The following ABCA10 variants were observed in gnomAD, a reference collection of about 807,000 sequenced individuals.
ABCA10 encodes ATP binding cassette subfamily A member 10, also known as ATP-binding cassette sub-family A member 10.
A neutral mutation model predicts 187.5 loss-of-function variants in ABCA10; 169 were observed. That is an observed-to-expected ratio of 0.90 (90% CI 0.80 to 1.02). ABCA10 has a LOEUF of 1.02. Among genes scored for constraint, ABCA10 ranks in the 50% least tolerant of loss-of-function variants. The pLI is 0.00. For missense variants in ABCA10, 1,727 were observed against 1,812.4 expected (o/e 0.95, Z 0.86); for synonymous variants, 574 against 601.8 (o/e 0.95, Z 0.68).
In ABCA10 at chr17:69,190,550, T is replaced by C; in HGVS notation, c.2012-73A>G. ...GTATATTAAAATACTAATTTCTAAA[T>C]ATTACTCAAAATAGATGTCTACAAA... On this transcript the variant is annotated intron_variant, in intron 17 of 38. Coordinates refer to ENST00000690296, the MANE Select transcript of ABCA10 (RefSeq NM_001377321.1). 3 of 1,343,676 alleles carry C rather than the reference T, an allele frequency of 2.2e-6. No individual in the cohort carries two copies. In the South Asian group the frequency reaches 4.5e-5, roughly 20 times the overall value. 83.2% of individuals were successfully genotyped at this position (1,343,676 alleles called of 1,614,324 possible).
intron 3 of ABCA10, among the ~76,000 whole-genome samples, chr17:69,224,564 AG>A (rs1438837040): frequency 2.0e-5 from 3 of 152,124 alleles, no homozygotes; most frequent in Non-Finnish European, 4.4e-5. Context: ...GGTCTCACAT[AG>A]TAAGTAGGAC....
chr17:69,198,788 C>T (rs2074523510), intron 10 of ABCA10, among the ~76,000 whole-genome samples: 2 of 152,146 alleles, frequency 1.3e-5, no homozygotes, highest in Admixed American at 6.5e-5. Flanking sequence ...GGTAAAATAT[C>T]GTAAATATTT....
intron 1 of ABCA10, chr17:69,244,236 TAAAAC>T (rs2074926181): frequency 6.6e-6 from 1 of 152,094 alleles, no homozygotes; most frequent in Non-Finnish European, 1.5e-5. Flanking sequence ...GAATGTAAAT[TAAAAC>T]AAAGTAATTG....
At chr17:69,176,621 C>T (rs1209178053) in intron 22 of ABCA10, among the ~76,000 whole-genome samples, 1 of 151,982 alleles carries the variant, frequency 6.6e-6, no homozygotes, top group Non-Finnish European at 1.5e-5. Context: ...CCCTGCTTCC[C>T]AGTATCACCC....
chr17:69,236,105 G>T lies in ABCA10; in HGVS notation c.-592-7245C>A, dbSNP rs530033988. On this transcript the variant is annotated intron_variant, in intron 1 of 39. Coordinates refer to the ABCA10 transcript ENST00000269081. Reference sequence around the variant, plus strand: ...CATCTTACAATACCTATATATATATGGCCAAGTCAAATAGTAGTAGGATTT... The same window carrying T: ...CATCTTACAATACCTATATATATATTGCCAAGTCAAATAGTAGTAGGATTT... Among the ~76,000 whole-genome samples, 119 of 151,998 alleles carry T rather than the reference G, an allele frequency of 7.8e-4. 1 individual carries two copies. Among genetic ancestry groups the T allele is most frequent in the Non-Finnish European group, 1.3e-3 (89 of 68,002 alleles).
At chr17:69,157,219 G>C (rs1237045811) in intron 27 of ABCA10, among the ~76,000 whole-genome samples, 1 of 152,192 alleles carries the variant, frequency 6.6e-6, no homozygotes, top group South Asian at 2.1e-4. Context: ...AAATCTAAAT[G>C]AATACAGGAG....
chr17:69,220,106 TAATA>T (rs747025894), intron 5 of ABCA10, among the ~76,000 whole-genome samples: 18 of 152,326 alleles, frequency 1.2e-4, no homozygotes, highest in Middle Eastern at 3.4e-3. Flanking sequence ...AATCATTGCA[TAATA>T]AATTGTTTAG....
At chr17:69,185,325 T>C (rs142112913) in intron 20 of ABCA10, 152 bp downstream of exon 20, 685 of 743,370 alleles carry the variant, frequency 9.2e-4, no homozygotes, top group Non-Finnish European at 1.2e-3. Flanking sequence ...TAAAAAATAT[T>C]AAAAAAGAAA....
In ABCA10 at chr17:69,148,540, CGAT is replaced by C; in HGVS notation, c.*284_*286del. The C allele has an allele frequency of 4.2e-6, 1 of 239,146 alleles. No individual in the cohort carries two copies. The allele number at this position is 239,146 out of a possible 1,614,324, so 14.8% of individuals were successfully genotyped here. A position where few individuals can be genotyped will look rare whatever the true frequency, so the allele number is the denominator to read the frequency against. ...CAGTGTTAGCTTTATTGATAATAACCGATAACCAACCTAATATTGTATGATTTT... is the reference window on the plus strand; with the variant it reads ...CAGTGTTAGCTTTATTGATAATAACCAACCAACCTAATATTGTATGATTTT... On this transcript the variant is annotated 3_prime_UTR_variant, in exon 39 of 39. Coordinates refer to ENST00000690296, the MANE Select transcript of ABCA10 (RefSeq NM_001377321.1).
In ABCA10 at chr17:69,222,574, C is replaced by A; in HGVS notation, c.158G>T (p.Gly53Val). Residue 53 changes from glycine (G) to valine (V), a missense_variant, in exon 4 of 39, where the codon GGA (glycine) becomes GTA (valine). Gly to Val is a moderately radical substitution (Grantham distance 109). Transcript: ENST00000690296. Reference sequence around the variant, plus strand: ...CTCCTTTATAACTGGGATTCTATATCCCCAATTAAACTTCAGGCGATATGA... The same window carrying A: ...CTCCTTTATAACTGGGATTCTATATACCCAATTAAACTTCAGGCGATATGA... ...TFSYRLKFNW[G>V]YRIPVIKEHS... 2 of 1,594,226 alleles carry A rather than the reference C, an allele frequency of 1.3e-6. No homozygotes were observed. Among genetic ancestry groups the A allele is most frequent in the Non-Finnish European group, 1.7e-6 (2 of 1,175,144 alleles).
chr17:69,225,768 C>A (rs1264013658), intron 2 of ABCA10, among the ~76,000 whole-genome samples: 1 of 152,098 alleles, frequency 6.6e-6, no homozygotes, highest in Admixed American at 6.6e-5. Flanking sequence ...TGATTTAGCA[C>A]CCCTATTAGT....
At chr17:69,222,005 C>T (rs2074752138) in intron 4 of ABCA10, 110 bp from the exon 5 acceptor site, 1 of 795,496 alleles carries the variant, frequency 1.3e-6, no homozygotes, top group Non-Finnish European at 2.0e-6. Context: ...TAGCTCAAAG[C>T]CTATGATTAT....
intron 23 of ABCA10, 62 bp from the exon 24 acceptor site, chr17:69,174,839 TA>T (rs892505908): frequency 2.5e-5 from 35 of 1,372,908 alleles, no homozygotes; most frequent in Middle Eastern, 2.0e-4. Context: ...TGTGGTTATG[TA>T]AAAAAAATTG....
At chr17:69,158,649 T>C (rs1324559452) in intron 27 of ABCA10, among the ~76,000 whole-genome samples, 1 of 152,064 alleles carries the variant, frequency 6.6e-6, no homozygotes, top group Non-Finnish European at 1.5e-5. Context: ...TTAACAATAA[T>C]GTCCATAAAA....
chr17:69,154,986 TATA>T (rs1475157576), intron 30 of ABCA10, 30 bp downstream of exon 30: 2 of 1,462,352 alleles, frequency 1.4e-6, no homozygotes, highest in East Asian at 2.3e-5. Flanking sequence ...TAAGGAACAT[TATA>T]ATAATAATAA....
At chr17:69,163,702 T>C (rs897516113) in intron 27 of ABCA10, among the ~76,000 whole-genome samples, 2 of 152,208 alleles carry the variant, frequency 1.3e-5, no homozygotes, top group Non-Finnish European at 2.9e-5. Context: ...TTCCCCACTA[T>C]AAAATTTCAT....
intron 1 of ABCA10, among the ~76,000 whole-genome samples, chr17:69,237,333 G>A (rs189958536): frequency 6.6e-6 from 1 of 152,294 alleles, no homozygotes; most frequent in Non-Finnish European, 1.5e-5. Context: ...CCAAATCAGT[G>A]GCTGTATACC....
rs1253860156 is a variant in ABCA10 at position 69,201,657 on chromosome 17, G to A, written c.1018C>T (p.His340Tyr). 1.3e-6 allele frequency: 2 copies of A among 1,599,802 alleles called. No homozygotes were observed. Among genetic ancestry groups the A allele is most frequent in the East Asian group, 4.5e-5 (2 of 44,604 alleles). The change falls in exon 10 of 39, where the codon CAT becomes TAT. Residue 340 changes from histidine to tyrosine, a missense_variant. Transcript: ENST00000690296. ...FERVLPDKDG[H>Y]GDSPLFFLKS... Reference sequence around the variant, plus strand: ...AGGAAAAATAATGGAGAATCCCCATGGCCATCTTTATCTAATTAATTAAGA... The same window carrying A: ...AGGAAAAATAATGGAGAATCCCCATAGCCATCTTTATCTAATTAATTAAGA...
At chr17:69,195,814 C>T (rs527420988) in intron 11 of ABCA10, among the ~76,000 whole-genome samples, 42 of 151,854 alleles carry the variant, frequency 2.8e-4, no homozygotes, top group African/African-American at 7.5e-4. Flanking sequence ...CATCTTGCAC[C>T]GCCCTTAATC....
Sources: allele counts gnomAD v4.1 joint callset (sites outside exome capture counted in the v4.1 genomes callset), GRCh38; gene constraint gnomAD v4.1.1; transcripts MANE v1.5; gene names NCBI Gene and HGNC (gene_info 2026-07-23, HGNC 2026-07-21).